HEATR5B: variants seen among roughly 807,000 people sequenced by gnomAD.
HEATR5B encodes the protein HEAT repeat containing 5B.
HEATR5B carries 156 observed loss-of-function variants against 224.1 expected under a neutral mutation model. The observed-to-expected ratio is 0.70, with a 90% CI of 0.61 to 0.80. The LOEUF (loss-of-function observed/expected upper bound fraction) is 0.80. Among genes scored for constraint, HEATR5B ranks in the 30% least tolerant of loss-of-function variants. The probability of loss-of-function intolerance (pLI) is 0.00; values close to 1 mark genes in which losing one functional copy is unlikely to be tolerated. For synonymous variants in HEATR5B, 1,027 were observed against 893.0 expected, an observed-to-expected ratio of 1.15 and a Z score of -2.68; for missense variants, 2,323 against 2,535.5, an observed-to-expected ratio of 0.92 and a Z score of 1.80.
chr2:36,997,860 C>T (rs1019714786), intron 33 of HEATR5B, among the ~76,000 whole-genome samples: 5 of 152,034 alleles, frequency 3.3e-5, no homozygotes, highest in African/African-American at 7.2e-5. Flanking sequence ...GCCACCACGC[C>T]GACCAGTCCT....
At chr2:36,993,672 G>A (rs1666494379) in intron 33 of HEATR5B, among the ~76,000 whole-genome samples, 1 of 152,046 alleles carries the variant, frequency 6.6e-6, no homozygotes, top group Non-Finnish European at 1.5e-5. Flanking sequence ...AAACACGGCA[G>A]ACAACTTCTT....
In HEATR5B at chr2:37,062,205, T is replaced by C. The variant is rs181477646; in HGVS notation, c.1585-155A>G. ...ACTTTGGGAGGCTGAGGCAGGCAGA[T>C]TGCCTGAGCTCAGGAGTTCAAAACC... On this transcript the variant is annotated intron_variant, in intron 10 of 35. Coordinates refer to ENST00000233099, the MANE Select transcript of HEATR5B (RefSeq NM_019024.3). Among the ~76,000 whole-genome samples the C allele has an allele frequency of 2.2e-4, 34 of 152,298 alleles. No homozygotes were observed. In the East Asian group the frequency reaches 2.7e-3, roughly 12 times the overall value.
intron 34 of HEATR5B, among the ~76,000 whole-genome samples, 196 bp from the exon 35 acceptor site, chr2:36,989,055 G>T (rs1047218378): frequency 6.6e-6 from 1 of 152,138 alleles, no homozygotes; most frequent in African/African-American, 2.4e-5. Context: ...ATATTTTAAT[G>T]ACCAAATCAC....
At chr2:37,064,626 A>T (rs76241479) in intron 10 of HEATR5B, 114 bp downstream of exon 10, 45,003 of 989,992 alleles carry the variant, frequency 0.045, 1,273 homozygotes, top group Non-Finnish European at 0.054. Context: ...ATGTTTTATG[A>T]TAACATAGTA....
chr2:37,049,549 A>G (rs754693662), intron 18 of HEATR5B, 104 bp downstream of exon 18: 15 of 977,270 alleles, frequency 1.5e-5, no homozygotes, highest in Non-Finnish European at 2.0e-5. Context: ...ACAAAATATT[A>G]TCACATGCTG....
intron 2 of HEATR5B, among the ~76,000 whole-genome samples, chr2:37,080,825 A>T (rs1363316556): frequency 3.9e-5 from 6 of 152,122 alleles, no homozygotes; most frequent in Non-Finnish European, 8.8e-5. Flanking sequence ...AAAGAACAAG[A>T]AGTAGTAGTT....
At chr2:37,040,898 TAC>T in intron 19 of HEATR5B, 2 of 479,096 alleles carry the variant, frequency 4.2e-6, no homozygotes, top group Non-Finnish European at 7.3e-6. Context: ...CACAGAATAA[TAC>T]ACAATAAAAA....
intron 12 of HEATR5B, among the ~76,000 whole-genome samples, chr2:37,059,395 T>C (rs1671112027): frequency 7.2e-6 from 1 of 139,412 alleles, no homozygotes; most frequent in East Asian, 2.1e-4. Flanking sequence ...CTTTTACAGA[T>C]ATATATGTAT....
chr2:37,082,675 C>T (rs907062779), intron 2 of HEATR5B, among the ~76,000 whole-genome samples: 2 of 152,202 alleles, frequency 1.3e-5, no homozygotes, highest in Non-Finnish European at 2.9e-5. Flanking sequence ...CTTCGTTTCC[C>T]ATAAGGGATA....
intron 18 of HEATR5B, among the ~76,000 whole-genome samples, chr2:37,042,846 C>T (rs1049147110): frequency 3.8e-4 from 56 of 148,304 alleles, no homozygotes; most frequent in Admixed American, 1.1e-3. Context: ...GAGCCAAGAT[C>T]GCGCCACTGC....
intron 21 of HEATR5B, among the ~76,000 whole-genome samples, chr2:37,034,473 C>T (rs1013239575): frequency 1.4e-5 from 2 of 144,382 alleles, no homozygotes; most frequent in East Asian, 4.1e-4. Flanking sequence ...ATTAGCCGGG[C>T]GTAGTGGCGG....
rs752438304 is a variant in HEATR5B, at chr2:37,057,424, A to T, written c.2116T>A (p.Ser706Thr). 5 of 1,611,634 alleles carry T rather than the reference A, an allele frequency of 3.1e-6. No homozygotes were observed. The East Asian group carries it at 1.1e-4, about 36-fold the overall frequency. The change falls in exon 15 of 36, where the codon TCA (serine) becomes ACA (threonine). Residue 706 changes from serine (S) to threonine (T), a missense_variant. Ser to Thr is a moderately conservative substitution (Grantham distance 58). Transcript: ENST00000233099. Reference sequence around the variant, plus strand: ...AGGAGGGAAGTAGTTGTGTTGGCTGAGTTGTCAGTCAAAGTGAATTCCGCT... The same window carrying T: ...AGGAGGGAAGTAGTTGTGTTGGCTGTGTTGTCAGTCAAAGTGAATTCCGCT... ...LVAEFTLTDN[S>T]ANTTTSLLRS...
At chr2:37,070,036 T>C (rs1671813119) in intron 7 of HEATR5B, among the ~76,000 whole-genome samples, 194 bp downstream of exon 7, 1 of 152,052 alleles carries the variant, frequency 6.6e-6, no homozygotes, top group South Asian at 2.1e-4. Context: ...AAGCTGGGAC[T>C]ACAGGCATGC....
chr2:37,031,092 C>T (rs1235914719), intron 22 of HEATR5B, among the ~76,000 whole-genome samples: 1 of 152,246 alleles, frequency 6.6e-6, no homozygotes, highest in African/African-American at 2.4e-5. Flanking sequence ...ATACATTACA[C>T]ACATGCTGTC....
chr2:37,024,878 T>C (rs1668673586), intron 24 of HEATR5B, among the ~76,000 whole-genome samples: 1 of 152,212 alleles, frequency 6.6e-6, no homozygotes, highest in African/African-American at 2.4e-5. Context: ...TCTCTATGTC[T>C]ACCCTTCCTC....
chr2:37,039,257 G>C (rs1161116839), intron 20 of HEATR5B, among the ~76,000 whole-genome samples: 1 of 151,684 alleles, frequency 6.6e-6, no homozygotes, highest in Non-Finnish European at 1.5e-5. Flanking sequence ...ATGAGGTCAG[G>C]AGTTCGAGAC....
chr2:37,055,026 G>A (rs181751428), intron 16 of HEATR5B: 29 of 338,416 alleles, frequency 8.6e-5, no homozygotes, highest in East Asian at 5.5e-4. Context: ...TCAGATGTAC[G>A]TGTATACATG....
rs1482150074 is a variant in HEATR5B at position 37,072,353 on chromosome 2, G to C, written c.598-72C>G. ...TCCAGAGATGGAATAGCAAGAACCA[G>C]ACTTACCACCTCTCCTGAGATAACC... On this transcript the variant is annotated intron_variant, in intron 5 of 35. Coordinates refer to ENST00000233099, the MANE Select transcript of HEATR5B (RefSeq NM_019024.3). 2.8e-6 allele frequency: 3 copies of C among 1,074,628 alleles called. No individual in the cohort carries two copies. The East Asian group carries it at 7.3e-5, about 26-fold the overall frequency. The allele number at this position is 1,074,628 out of a possible 1,614,324, so 66.6% of individuals were successfully genotyped here.
intron 27 of HEATR5B, among the ~76,000 whole-genome samples, chr2:37,012,121 A>C (rs1667824139): frequency 6.6e-6 from 1 of 152,182 alleles, no homozygotes; most frequent in Non-Finnish European, 1.5e-5. Context: ...ACTACACATA[A>C]TGCTACTACT....
Sources: gnomAD v4.1 joint callset for allele counts (sites outside exome capture counted in the v4.1 genomes callset) on GRCh38, gnomAD v4.1.1 for gene constraint, MANE v1.5 for transcripts, NCBI Gene and HGNC (gene_info 2026-07-23, HGNC 2026-07-21) for gene names.